The following SAP30L variants were observed in gnomAD, a reference collection of about 807,000 sequenced individuals.
The protein encoded by SAP30L is SAP30 like.
A neutral mutation model predicts 22.3 loss-of-function variants in SAP30L; 10 were observed. That is an observed-to-expected ratio of 0.45 (90% CI 0.28 to 0.76). SAP30L has a LOEUF of 0.76. Among genes scored for constraint, SAP30L ranks in the 30% least tolerant of loss-of-function variants. SAP30L has a pLI of 0.14. For synonymous variants in SAP30L, 91 were observed against 94.1 expected (o/e 0.97, Z 0.19); for missense variants, 206 against 237.9 (o/e 0.87, Z 0.88).
intron 1 of SAP30L, among the ~76,000 whole-genome samples, chr5:154,448,068 CG>C (rs1757063235): frequency 6.7e-6 from 1 of 149,666 alleles, no homozygotes; most frequent in South Asian, 2.1e-4. Context: ...CTCCGCCTCC[CG>C]GGTTGAAGCG....
chr5:154,451,748 A>G (rs567344695), intron 2 of SAP30L, among the ~76,000 whole-genome samples: 8 of 152,044 alleles, frequency 5.3e-5, no homozygotes, highest in Non-Finnish European at 1.2e-4. Context: ...CAACTCTAGC[A>G]CTGTTGACAT....
At chr5:154,452,512 C>A in intron 2 of SAP30L, 2 of 983,852 alleles carry the variant, frequency 2.0e-6, no homozygotes, top group Non-Finnish European at 2.4e-6. Flanking sequence ...AAAGGCAGCC[C>A]AACTTTATGG....
At position 154,458,252 on chromosome 5, in the gene SAP30L, G is replaced by A. The variant is rs1757304400; in HGVS notation, c.*2224G>A. ...TGCTTGTGGAAAGTGGAGGTTGTGG[G>A]CATCTTTTCAACCTTTTCAATCTGA... On this transcript the variant is annotated 3_prime_UTR_variant, in exon 4 of 4. Coordinates refer to ENST00000297109, the MANE Select transcript of SAP30L (RefSeq NM_024632.6). The A allele has an allele frequency of 6.6e-6, 1 of 152,200 alleles. No individual in the cohort carries two copies. The highest frequency in any genetic ancestry group is 1.9e-4 in the East Asian group (1 of 5,198). 9.4% of individuals were successfully genotyped at this position (152,200 alleles called of 1,614,324 possible).
rs912448936 is a variant in SAP30L, at chr5:154,458,992, G to A, written c.*2964G>A. 2.5e-4 allele frequency: 38 copies of A among 152,346 alleles called. No individual in the cohort carries two copies. The highest frequency in any genetic ancestry group is 2.2e-3 in the Admixed American group (34 of 15,306). The allele number at this position is 152,346 out of a possible 1,614,324, so 9.4% of individuals were successfully genotyped here. ...CTGCTAGCCTTTCAGAGAACAGATA[G>A]TAACAATTGTTTGCAGCTGCAGTGT... On this transcript the variant is annotated 3_prime_UTR_variant, in exon 4 of 4. Coordinates refer to ENST00000297109, the MANE Select transcript of SAP30L (RefSeq NM_024632.6).
At chr5:154,451,539 C>T (rs1192530365) in intron 2 of SAP30L, among the ~76,000 whole-genome samples, 1 of 110,818 alleles carries the variant, frequency 9.0e-6, no homozygotes, top group Non-Finnish European at 2.0e-5. Context: ...AATACAACCA[C>T]AGTGTCACTT....
rs1041887766 is a variant in SAP30L at position 154,456,790 on chromosome 5, T to C, written c.*762T>C. 7.2e-5 allele frequency: 11 copies of C among 152,248 alleles called. No homozygotes were observed. The highest frequency in any genetic ancestry group is 2.7e-4 in the African/African-American group (11 of 41,460). 9.4% of individuals were successfully genotyped at this position (152,248 alleles called of 1,614,324 possible). A position where few individuals can be genotyped will look rare whatever the true frequency, so the allele number is the denominator to read the frequency against. ...CGTTGAGGTTCCAGAAACACTGATA[T>C]AGAGACCCTCACAGAAGATACGGTC... is the stretch of plus-strand genomic sequence containing the variant. On this transcript the variant is annotated 3_prime_UTR_variant, in exon 4 of 4. Transcript: ENST00000297109.
chr5:154,454,384 G>GTAT (rs1475418156), intron 3 of SAP30L, among the ~76,000 whole-genome samples: 1 of 145,836 alleles, frequency 6.9e-6, no homozygotes, highest in Non-Finnish European at 1.5e-5. Flanking sequence ...ATTTCTGCAG[G>GTAT]TATTTTCTAA....
chr5:154,446,912 C>A, intron 1 of SAP30L, 107 bp downstream of exon 1: 4 of 904,934 alleles, frequency 4.4e-6, no homozygotes, highest in Non-Finnish European at 5.0e-6. Context: ...TGGGCCTCGC[C>A]GCCCCGGCTC....
Sources: allele counts gnomAD v4.1 joint callset (sites outside exome capture counted in the v4.1 genomes callset), GRCh38; gene constraint gnomAD v4.1.1; transcripts MANE v1.5; gene names NCBI Gene and HGNC (gene_info 2026-07-23, HGNC 2026-07-21).